Variants in AGBL4 observed in about 807,000 individuals in gnomAD.
AGBL4 encodes the protein cytosolic carboxypeptidase 6.
In AGBL4, 58 loss-of-function variants were observed where a neutral mutation model predicts 66.4. The observed-to-expected ratio is 0.87, with a 90% CI of 0.71 to 1.09. AGBL4 has a LOEUF of 1.09. AGBL4 is among the 50% of genes least tolerant of loss of function. The probability of loss-of-function intolerance (pLI) is 0.00; values close to 1 mark genes in which losing one functional copy is unlikely to be tolerated. For missense variants in AGBL4, 579 were observed against 631.0 expected (o/e 0.92, Z 0.88); for synonymous variants, 234 against 222.9 (o/e 1.05, Z -0.44).
At chr1:49,669,414 CTGA>C (rs1448164659) in intron 3 of AGBL4, among the ~76,000 whole-genome samples, 4 of 152,128 alleles carry the variant, frequency 2.6e-5, no homozygotes. Flanking sequence ...TTCACCTCAG[CTGA>C]TGAAGATGGC....
chr1:48,608,502 T>G (rs1340286459), intron 9 of AGBL4, among the ~76,000 whole-genome samples: 1 of 152,178 alleles, frequency 6.6e-6, no homozygotes, highest in Non-Finnish European at 1.5e-5. Context: ...TGTCAGTAAC[T>G]GCCTGTGAAT....
intron 3 of AGBL4, among the ~76,000 whole-genome samples, chr1:49,583,140 G>T (rs1434583974): frequency 1.3e-5 from 2 of 152,114 alleles, no homozygotes; most frequent in African/African-American, 4.8e-5. Flanking sequence ...TGGGAGATAG[G>T]AATATTTTGT....
At chr1:49,118,153 C>T (rs557824476) in intron 4 of AGBL4, among the ~76,000 whole-genome samples, 2 of 152,152 alleles carry the variant, frequency 1.3e-5, no homozygotes, top group African/African-American at 4.8e-5. Flanking sequence ...ATGATCATGT[C>T]ATCTGCAAAC....
rs904437157 is a variant in AGBL4, at chr1:48,807,203, T to G, written c.634+59988A>C. On this transcript the variant is annotated intron_variant, in intron 6 of 13. Transcript: ENST00000371839. ...TTCCTTGCCTGTCTGCCCATTAGAT[T>G]GTGGTACCTTTTTGAGCATCCTGAC... Among the ~76,000 whole-genome samples the G allele has an allele frequency of 4.6e-5, 7 of 152,348 alleles. No individual in the cohort carries two copies. In the South Asian group the frequency reaches 1.4e-3, roughly 32 times the overall value.
intron 1 of AGBL4, among the ~76,000 whole-genome samples, chr1:49,893,609 T>TG (rs994777285): frequency 1.3e-5 from 2 of 152,124 alleles, no homozygotes; most frequent in African/African-American, 4.8e-5. Flanking sequence ...GCTATGGTAG[T>TG]GGTAATCAAG....
rs55889870 is a variant in AGBL4, at chr1:48,897,806, CTT to C, written c.595-30578_595-30577del. ...AATGTCTGTTCGGATCTTTTGCCCA[CTT>C]TTTTTTTTTTTTTTTTTTTTAAGAC... On this transcript the variant is annotated intron_variant, in intron 5 of 13. Coordinates refer to ENST00000371839, the MANE Select transcript of AGBL4 (RefSeq NM_032785.4). Among the ~76,000 whole-genome samples the C allele has an allele frequency of 5.6e-3, 720 of 127,756 alleles. 10 individuals carry two copies. Among genetic ancestry groups the C allele is most frequent in the African/African-American group, 0.016 (513 of 32,938 alleles). 83.8% of individuals were successfully genotyped at this position (127,756 alleles called of 152,430 possible). A position where few individuals can be genotyped will look rare whatever the true frequency, so the allele number is the denominator to read the frequency against.
At chr1:49,812,556 T>C (rs966951204) in intron 2 of AGBL4, among the ~76,000 whole-genome samples, 1 of 152,168 alleles carries the variant, frequency 6.6e-6, no homozygotes, top group Admixed American at 6.5e-5. Context: ...GAGAAAGGGA[T>C]GTAAGTTCAT....
chr1:48,944,695 C>G (rs1001099805), intron 5 of AGBL4, among the ~76,000 whole-genome samples: 13 of 152,252 alleles, frequency 8.5e-5, no homozygotes, highest in African/African-American at 3.1e-4. Context: ...CAACCCTTCT[C>G]CTACCCCCAG....
intron 2 of AGBL4, among the ~76,000 whole-genome samples, chr1:49,809,224 G>T (rs377428673): frequency 3.3e-5 from 5 of 152,040 alleles, no homozygotes; most frequent in African/African-American, 1.2e-4. Flanking sequence ...TGTTACATAT[G>T]TATACATGTG....
At chr1:49,422,798 A>G (rs916969197) in intron 3 of AGBL4, among the ~76,000 whole-genome samples, 4 of 152,000 alleles carry the variant, frequency 2.6e-5, no homozygotes, top group Non-Finnish European at 5.9e-5. Flanking sequence ...CCTTACCACA[A>G]ACTAAGCTCC....
intron 5 of AGBL4, among the ~76,000 whole-genome samples, chr1:48,891,056 T>G (rs1006817807): frequency 3.3e-5 from 5 of 152,196 alleles, no homozygotes; most frequent in African/African-American, 7.2e-5. Flanking sequence ...CAGTAGGATG[T>G]GGGCTACAAA....
chr1:49,554,232 T>G (rs1653214092), intron 3 of AGBL4, among the ~76,000 whole-genome samples: 4 of 152,114 alleles, frequency 2.6e-5, no homozygotes, highest in Admixed American at 2.6e-4. Flanking sequence ...TTCTAATTCA[T>G]CACAATACTC....
At chr1:49,845,821 G>T in intron 2 of AGBL4, 1 of 1,526,766 alleles carries the variant, frequency 6.5e-7, no homozygotes, top group Non-Finnish European at 9.1e-7. Context: ...GCACACAGGA[G>T]AGAAGCCGTT....
At chr1:49,120,826 T>C (rs1242935041) in intron 4 of AGBL4, among the ~76,000 whole-genome samples, 1 of 152,216 alleles carries the variant, frequency 6.6e-6, no homozygotes, top group African/African-American at 2.4e-5. Context: ...ATTCTCCCCA[T>C]CACTTTCAGG....
intron 1 of AGBL4, among the ~76,000 whole-genome samples, chr1:49,946,205 T>C (rs1655189894): frequency 6.6e-6 from 1 of 151,858 alleles, no homozygotes; most frequent in Admixed American, 6.6e-5. Flanking sequence ...CTGGAACCAA[T>C]GAACTTAACA....
chr1:49,253,064 C>A (rs184206338), intron 3 of AGBL4, among the ~76,000 whole-genome samples: 4 of 152,236 alleles, frequency 2.6e-5, no homozygotes, highest in Admixed American at 2.0e-4. Flanking sequence ...TCAATACTAA[C>A]TTTAAATGTA....
chr1:49,913,919 C>A (rs56184305), intron 1 of AGBL4, among the ~76,000 whole-genome samples: 28,373 of 152,088 alleles, frequency 0.19, 3,265 homozygotes, highest in East Asian at 0.42. Flanking sequence ...TGGAGGGTGC[C>A]CCAGGCCCAT....
intron 2 of AGBL4, among the ~76,000 whole-genome samples, chr1:49,828,705 G>A (rs1247310138): frequency 6.6e-6 from 1 of 152,168 alleles, no homozygotes; most frequent in Non-Finnish European, 1.5e-5. Context: ...AATGAGATGT[G>A]ATTTGAATAT....
In AGBL4 at chr1:49,274,678, C is replaced by G. The variant is rs183527799; in HGVS notation, c.283-28814G>C. ...TTCATAATATGGACCTTGACAAGTACTCTTAAATACATGCTTCTGATAACT... is the reference window on the plus strand; with the variant it reads ...TTCATAATATGGACCTTGACAAGTAGTCTTAAATACATGCTTCTGATAACT... On this transcript the variant is annotated intron_variant, in intron 3 of 13. Transcript: ENST00000371839. Among the ~76,000 whole-genome samples the G allele has an allele frequency of 3.5e-3, 537 of 152,120 alleles. 8 individuals carry two copies. Among genetic ancestry groups the G allele is most frequent in the Non-Finnish European group, 9.3e-4 (63 of 67,978 alleles).
Sources: gnomAD v4.1 joint callset for allele counts (sites outside exome capture counted in the v4.1 genomes callset) on GRCh38, gnomAD v4.1.1 for gene constraint, MANE v1.5 for transcripts, NCBI Gene and HGNC (gene_info 2026-07-23, HGNC 2026-07-21) for gene names.